UNC13B: variants seen among roughly 807,000 people sequenced by gnomAD.
UNC13B encodes protein unc-13 homolog B.
A neutral mutation model predicts 211.0 loss-of-function variants in UNC13B; 144 were observed. The observed-to-expected ratio is 0.68, with a 90% CI of 0.60 to 0.78. The LOEUF (loss-of-function observed/expected upper bound fraction) is 0.78, where lower values mean the gene tolerates loss of function less well. Among genes scored for constraint, UNC13B ranks in the 30% least tolerant of loss-of-function variants. The pLI, the probability that UNC13B is intolerant of heterozygous loss-of-function variation, is 0.00. For synonymous variants in UNC13B, 709 were observed against 725.8 expected (o/e 0.98, Z 0.37); for missense variants, 1,777 against 2,002.0 (o/e 0.89, Z 2.14).
In UNC13B at chr9:35,236,487, C is replaced by T; in HGVS notation, c.171C>T (p.Asp57=). ...CCCTTAGTGAGATTAGTCGCCTGGA[C>T]CTGGGTCTAAGTGTGGAGGTATGGA... is the stretch of plus-strand genomic sequence containing the variant. The part of the protein sequence containing the change: ...QDFMFEISRL[D]LGLSVEVWNK... The change falls in exon 4 of 40, where the codon GAC becomes GAT. Residue 57 remains aspartate (D), a synonymous_variant. Transcript: ENST00000635942. The T allele has an allele frequency of 6.2e-7, 1 of 1,614,012 alleles. No homozygotes were observed. Among genetic ancestry groups the T allele is most frequent in the Non-Finnish European group, 8.5e-7 (1 of 1,179,950 alleles).
At chr9:35,353,405 C>T in intron 11 of UNC13B, 3 of 1,232,184 alleles carry the variant, frequency 2.4e-6, no homozygotes, top group Non-Finnish European at 3.0e-6. Flanking sequence ...GAACAGTGAT[C>T]GACTTCTTGG....
At chr9:35,349,708 T>G (rs961311532) in intron 11 of UNC13B, among the ~76,000 whole-genome samples, 2 of 152,240 alleles carry the variant, frequency 1.3e-5, no homozygotes, top group African/African-American at 4.8e-5. Context: ...TTTCTGTCTC[T>G]TGGTTCTTGG....
chr9:35,217,459 G>A (rs1485333928), intron 1 of UNC13B, among the ~76,000 whole-genome samples: 2 of 150,352 alleles, frequency 1.3e-5, no homozygotes, highest in East Asian at 3.9e-4. Flanking sequence ...CGTGATCTCA[G>A]CTCACTGCAA....
At chr9:35,277,461 A>G (rs918504800) in intron 7 of UNC13B, among the ~76,000 whole-genome samples, 3 of 152,224 alleles carry the variant, frequency 2.0e-5, no homozygotes, top group African/African-American at 7.2e-5. Context: ...ATTGAAGCAG[A>G]TGCCAGACAG....
intron 11 of UNC13B, chr9:35,352,424 G>C (rs1832773720): frequency 2.4e-6 from 3 of 1,232,120 alleles, no homozygotes; most frequent in Non-Finnish European, 1.0e-6. Context: ...AGTCCGAATT[G>C]CCACCAGAGA....
Position 35,370,322 on chromosome 9 carries a change from G to A in UNC13B, c.9466G>A (p.Ala3156Thr), listed in dbSNP as rs745755875. Residue 3156 changes from alanine (A) to threonine (T), a missense_variant, in exon 13 of 40, where the codon GCC becomes ACC. Physicochemically the swap from Ala to Thr is moderately conservative, Grantham distance 58. Transcript: ENST00000635942. ...CATATTTTCTTCTCTCCTCAGGCCA[G>A]CCGGAGGGCTCTATGGCATTGACAG... ...SLPQWLPEGP[A>T]GGLYGIDSMP... 6.8e-6 allele frequency: 11 copies of A among 1,613,892 alleles called. No individual in the cohort carries two copies. Among genetic ancestry groups the A allele is most frequent in the Non-Finnish European group, 9.3e-6 (11 of 1,179,952 alleles).
intron 5 of UNC13B, among the ~76,000 whole-genome samples, chr9:35,241,056 CA>C (rs10629111): frequency 6.8e-5 from 9 of 133,178 alleles, no homozygotes; most frequent in African/African-American, 2.3e-4. Flanking sequence ...GACTCTGTCT[CA>C]AAAAAAAAAA....
intron 11 of UNC13B, among the ~76,000 whole-genome samples, chr9:35,362,970 C>G (rs994524001): frequency 2.0e-5 from 3 of 152,072 alleles, no homozygotes; most frequent in African/African-American, 7.2e-5. Flanking sequence ...GAGAAGGCTT[C>G]CCAGAACTAT....
At chr9:35,320,492 G>T (rs1026373651) in intron 11 of UNC13B, among the ~76,000 whole-genome samples, 1 of 152,090 alleles carries the variant, frequency 6.6e-6, no homozygotes, top group African/African-American at 2.4e-5. Context: ...TCACTTATCT[G>T]CTAGGCTCTT....
At chr9:35,325,087 T>A (rs1830934653) in intron 11 of UNC13B, among the ~76,000 whole-genome samples, 1 of 152,208 alleles carries the variant, frequency 6.6e-6, no homozygotes, top group Non-Finnish European at 1.5e-5. Flanking sequence ...CTTTTTAAGA[T>A]GTAGAAGAAT....
intron 11 of UNC13B, among the ~76,000 whole-genome samples, chr9:35,359,856 C>G (rs1587694349): frequency 1.3e-5 from 2 of 152,340 alleles, no homozygotes; most frequent in Non-Finnish European, 2.9e-5. Context: ...CCTCTACAGT[C>G]TGTTCTCCTC....
At chr9:35,277,429 G>C (rs1828241680) in intron 7 of UNC13B, among the ~76,000 whole-genome samples, 1 of 152,120 alleles carries the variant, frequency 6.6e-6, no homozygotes, top group Non-Finnish European at 1.5e-5. Context: ...GAATGCTCAG[G>C]GGTATCCCTA....
chr9:35,311,123 G>A lies in UNC13B; in HGVS notation c.9323+342G>A, dbSNP rs1015466310. On this transcript the variant is annotated intron_variant, in intron 10 of 39. Coordinates refer to ENST00000635942, the MANE Select transcript of UNC13B (RefSeq NM_001371189.2). ...CTGAGTAGCTGGGACTACTAGGTGTGCACCACCACACCTGGCTAATTGTAT... is the reference window on the plus strand; with the variant it reads ...CTGAGTAGCTGGGACTACTAGGTGTACACCACCACACCTGGCTAATTGTAT... 8.5e-5 allele frequency among the ~76,000 whole-genome samples: 13 copies of A among 152,204 alleles called. No homozygotes were observed. In the East Asian group the frequency reaches 2.5e-3, roughly 29 times the overall value.
intron 11 of UNC13B, chr9:35,351,171 A>C (rs1832695854): frequency 2.3e-6 from 1 of 427,686 alleles, no homozygotes; most frequent in African/African-American, 2.1e-5. Flanking sequence ...GTTGGGAGGC[A>C]GGTCAGGGTT....
rs776311130 is a variant in UNC13B, at chr9:35,254,005, T to A, written c.469-4988T>A. On this transcript the variant is annotated intron_variant, in intron 6 of 39. Transcript: ENST00000635942. ...AATCTAACAAGTATAGAAATTGTTT[T>A]AATTTGTATTTTCCTGTTTATTGGT... Among the ~76,000 whole-genome samples the A allele has an allele frequency of 2.1e-4, 32 of 152,354 alleles. No homozygotes were observed. In the South Asian group the frequency reaches 2.5e-3, roughly 12 times the overall value.
At chr9:35,386,426 A>G (rs1835196023) in intron 24 of UNC13B, 133 bp downstream of exon 24, 3 of 1,269,656 alleles carry the variant, frequency 2.4e-6, no homozygotes, top group East Asian at 2.5e-5. Flanking sequence ...GTTGTGGAGT[A>G]TGAACCATGT....
At position 35,308,172 on chromosome 9, in the gene UNC13B, G is replaced by C. The variant is rs997004460; in HGVS notation, c.8768G>C (p.Gly2923Ala). 5.0e-6 allele frequency: 2 copies of C among 399,558 alleles called. No individual in the cohort carries two copies. Among genetic ancestry groups the C allele is most frequent in the Non-Finnish European group, 4.4e-6 (1 of 226,606 alleles). 24.8% of individuals were successfully genotyped at this position (399,558 alleles called of 1,614,324 possible). Residue 2923 changes from glycine (G) to alanine (A), a missense_variant, in exon 9 of 40, where the codon GGA (glycine) becomes GCA (alanine). Coordinates refer to ENST00000635942, the MANE Select transcript of UNC13B (RefSeq NM_001371189.2). ...TGTGCTCAGGGGCTTTCAGGGTCTG[G>C]AGAAGGGGGAAACCAGCAGGAAATC... The part of the protein sequence containing the change: ...EVCAQGLSGS[G>A]EGGNQQEISA...
chr9:35,198,161 G>A (rs1056464381), intron 1 of UNC13B, among the ~76,000 whole-genome samples: 4 of 152,086 alleles, frequency 2.6e-5, no homozygotes, highest in African/African-American at 7.2e-5. Flanking sequence ...ATCTCACGTC[G>A]AATTGTAATC....
chr9:35,167,729 AG>A (rs1387518959), intron 1 of UNC13B, among the ~76,000 whole-genome samples: 1 of 149,432 alleles, frequency 6.7e-6, no homozygotes. Flanking sequence ...CTGGGATTAC[AG>A]GTGCCTGCCA....
Sources: allele counts gnomAD v4.1 joint callset (sites outside exome capture counted in the v4.1 genomes callset), GRCh38; gene constraint gnomAD v4.1.1; transcripts MANE v1.5; gene names NCBI Gene and HGNC (gene_info 2026-07-23, HGNC 2026-07-21).